Variants in UTP15 observed in about 807,000 individuals in gnomAD.
The protein encoded by UTP15 is U3 small nucleolar RNA-associated protein 15 homolog.
In UTP15, 5 loss-of-function variants were observed where a neutral mutation model predicts 59.1. That is an observed-to-expected ratio of 0.08 (90% CI 0.04 to 0.18). The LOEUF (loss-of-function observed/expected upper bound fraction) is 0.18. Ranked by LOEUF, UTP15 falls within the 10% of genes least tolerant of loss-of-function variation. The pLI, the probability that UTP15 is intolerant of heterozygous loss-of-function variation, is 1.00. For missense variants in UTP15, 494 were observed against 616.7 expected (o/e 0.80, Z 2.11); for synonymous variants, 211 against 212.2 (o/e 0.99, Z 0.05).
intron 11 of UTP15, 27 bp from the exon 12 acceptor site, chr5:73,579,290 T>G: frequency 6.2e-7 from 1 of 1,602,616 alleles, no homozygotes; most frequent in East Asian, 2.2e-5. Context: ...TTTACAAGTT[T>G]CACTAAACTG....
At chr5:73,574,638 C>T (rs1020445142) in intron 7 of UTP15, among the ~76,000 whole-genome samples, 1 of 152,054 alleles carries the variant, frequency 6.6e-6, no homozygotes, top group Non-Finnish European at 1.5e-5. Context: ...CCGGCACGCG[C>T]CACTGTACCT....
At chr5:73,565,965 C>A in intron 1 of UTP15, 53 bp downstream of exon 1, 1 of 445,516 alleles carries the variant, frequency 2.2e-6, no homozygotes, top group East Asian at 7.0e-5. Context: ...CCCGGCCTTC[C>A]TGTGTTAATC....
intron 7 of UTP15, among the ~76,000 whole-genome samples, chr5:73,574,073 A>G (rs74387814): frequency 0.012 from 1,899 of 152,222 alleles, 38 homozygotes; most frequent in African/African-American, 0.042. Context: ...CTGTAATCCC[A>G]GTGCTTTGGG....
Position 73,577,945 on chromosome 5 carries a change from CAGA to C in UTP15, c.993_995del (p.Arg332del), listed in dbSNP as rs767536766. On this transcript the variant is annotated inframe_deletion, in exon 9 of 13. Transcript: ENST00000296792. ...CTGAAGCAAAGAAGGAATCACTTCCCAGAAGAAGAAGGCCTGCATATCGAACCT... is the reference window on the plus strand; with the variant it reads ...CTGAAGCAAAGAAGGAATCACTTCCCAGAAGAAGGCCTGCATATCGAACCT... 5 of 1,587,866 alleles carry C rather than the reference CAGA, an allele frequency of 3.1e-6. No individual in the cohort carries two copies. The highest frequency in any genetic ancestry group is 2.8e-5 in the African/African-American group (2 of 72,714).
chr5:73,572,752 T>G, intron 7 of UTP15, 128 bp downstream of exon 7: 2 of 954,680 alleles, frequency 2.1e-6, no homozygotes, highest in Non-Finnish European at 3.0e-6. Context: ...AAAAACCTGT[T>G]GAGTTGAAAA....
chr5:73,579,827 A>T (rs565077515), intron 12 of UTP15, 50 bp from the exon 13 acceptor site: 3 of 1,318,962 alleles, frequency 2.3e-6, no homozygotes, highest in Admixed American at 2.5e-5. Flanking sequence ...TTTTCACTTA[A>T]TGTATGGAAA....
intron 7 of UTP15, 90 bp from the exon 8 acceptor site, chr5:73,576,862 A>T: frequency 2.4e-6 from 2 of 841,646 alleles, no homozygotes; most frequent in Non-Finnish European, 3.8e-6. Context: ...TACAGATTTT[A>T]ATGTTTGTAT....
intron 5 of UTP15, among the ~76,000 whole-genome samples, chr5:73,570,063 C>T (rs1244070419): frequency 6.6e-6 from 1 of 152,154 alleles, no homozygotes; most frequent in Non-Finnish European, 1.5e-5. Flanking sequence ...AACTCCTGGG[C>T]TCAAGTGATC....
At position 73,565,827 on chromosome 5, in the gene UTP15, A is replaced by G. The variant is rs1471630777; in HGVS notation, c.-169A>G. On this transcript the variant is annotated 5_prime_UTR_variant, in exon 1 of 13. Coordinates refer to ENST00000296792, the MANE Select transcript of UTP15 (RefSeq NM_032175.4). ...TGTGATTTTTACGCCAGTGCTGCTG[A>G]ACTGTGCAGGGTAGGGAGCTGGCAC... is the stretch of plus-strand genomic sequence containing the variant. 6.6e-6 allele frequency: 3 copies of G among 456,088 alleles called. No homozygotes were observed. Among genetic ancestry groups the G allele is most frequent in the African/African-American group, 2.0e-5 (1 of 50,054 alleles). The allele number at this position is 456,088 out of a possible 1,614,324, so 28.3% of individuals were successfully genotyped here. A position where few individuals can be genotyped will look rare whatever the true frequency, so the allele number is the denominator to read the frequency against.
chr5:73,579,936 C>A lies in UTP15; in HGVS notation c.1399C>A (p.Gln467Lys), dbSNP rs775374424. 3.1e-6 allele frequency: 5 copies of A among 1,613,532 alleles called. No individual in the cohort carries two copies. Among genetic ancestry groups the A allele is most frequent in the Admixed American group, 1.7e-5 (1 of 59,966 alleles). The change falls in exon 13 of 13, where the codon CAA becomes AAA. Residue 467 changes from glutamine (Q) to lysine (K), a missense_variant. Transcript: ENST00000296792. ...AGTTGATAAAAAGTTTTTACTACTT[C>A]AAGGACTTGTAGAAAAAGAGATTGA... Reference protein sequence around the residue: ...PVVDKKFLLLQGLVEKEIDYQ... With the variant: ...PVVDKKFLLLKGLVEKEIDYQ...
chr5:73,565,967 G>C, intron 1 of UTP15, 55 bp downstream of exon 1: 1 of 445,764 alleles, frequency 2.2e-6, no homozygotes, highest in South Asian at 1.6e-5. Flanking sequence ...CGGCCTTCCT[G>C]TGTTAATCTG....
chr5:73,570,379 A>C (rs992684455), intron 5 of UTP15, among the ~76,000 whole-genome samples: 6 of 152,234 alleles, frequency 3.9e-5, no homozygotes, highest in African/African-American at 1.2e-4. Context: ...GATCAGAGCA[A>C]GTTAGATTCT....
At chr5:73,573,684 C>G (rs1304754050) in intron 7 of UTP15, among the ~76,000 whole-genome samples, 1 of 149,656 alleles carries the variant, frequency 6.7e-6, no homozygotes, top group Non-Finnish European at 1.5e-5. Context: ...TCAAGCGATT[C>G]TGCCTCAGCT....
In UTP15 at chr5:73,577,769, C is replaced by T. The variant is rs562161081; in HGVS notation, c.895-87C>T. The T allele has an allele frequency of 8.1e-4, 929 of 1,149,494 alleles. 5 individuals carry two copies. The highest frequency in any genetic ancestry group is 1.5e-4 in the Non-Finnish European group (120 of 818,202). The allele number at this position is 1,149,494 out of a possible 1,614,324, so 71.2% of individuals were successfully genotyped here. Reference sequence around the variant, plus strand: ...TGTTGGTGAATGTATGGACAAGCAGCAAACACATGGTAAATGTGTTTTGAA... The same window carrying T: ...TGTTGGTGAATGTATGGACAAGCAGTAAACACATGGTAAATGTGTTTTGAA... On this transcript the variant is annotated intron_variant, in intron 8 of 12. Coordinates refer to ENST00000296792, the MANE Select transcript of UTP15 (RefSeq NM_032175.4).
At chr5:73,566,489 A>C (rs3822452) in intron 1 of UTP15, among the ~76,000 whole-genome samples, 59,334 of 152,144 alleles carry the variant, frequency 0.39, 12,676 homozygotes, top group East Asian at 0.66. Context: ...TGGTCATTGT[A>C]TTTCATTAAA....
chr5:73,577,158 G>T, intron 8 of UTP15, 122 bp downstream of exon 8: 7 of 744,664 alleles, frequency 9.4e-6, no homozygotes, highest in Non-Finnish European at 1.6e-5. Flanking sequence ...AGATATTTGA[G>T]TTAAGACAAT....
intron 2 of UTP15, 187 bp downstream of exon 2, chr5:73,567,621 A>G (rs1747816350): frequency 4.7e-6 from 2 of 426,646 alleles, no homozygotes; most frequent in South Asian, 5.0e-5. Context: ...CATACTGCTT[A>G]ATCAGATTAA....
At position 73,581,913 on chromosome 5, in the gene UTP15, G is replaced by A. The variant is rs1199127280; in HGVS notation, c.*1819G>A. The A allele has an allele frequency of 1.3e-5, 2 of 152,076 alleles. No individual in the cohort carries two copies. The highest frequency in any genetic ancestry group is 4.1e-4 in the South Asian group (2 of 4,822). 9.4% of individuals were successfully genotyped at this position (152,076 alleles called of 1,614,324 possible). A position where few individuals can be genotyped will look rare whatever the true frequency, so the allele number is the denominator to read the frequency against. On this transcript the variant is annotated 3_prime_UTR_variant, in exon 13 of 13. Coordinates refer to ENST00000296792, the MANE Select transcript of UTP15 (RefSeq NM_032175.4). The stretch of plus-strand genomic sequence containing the variant: ...GAACTTAGTCAAGATCAGAAGCTGG[G>A]TTTTGGGGTTGAGAAGAGTTCATTT...
rs1314293260 is a variant in UTP15, at chr5:73,565,796, G to GGTCC, written c.-199_-196dup. 1.3e-5 allele frequency: 6 copies of GGTCC among 456,264 alleles called. No homozygotes were observed. The highest frequency in any genetic ancestry group is 9.3e-5 in the South Asian group (6 of 64,564). The allele number at this position is 456,264 out of a possible 1,614,324, so 28.3% of individuals were successfully genotyped here. On this transcript the variant is annotated 5_prime_UTR_variant, in exon 1 of 13. Transcript: ENST00000296792. ...CTGTGTGTGTCGCCGGCTCCTTGAGGGTCCATGTGATTTTTACGCCAGTGC... is the reference window on the plus strand; with the variant it reads ...CTGTGTGTGTCGCCGGCTCCTTGAGGGTCCGTCCATGTGATTTTTACGCCAGTGC...
Sources: gnomAD v4.1 joint callset for allele counts (sites outside exome capture counted in the v4.1 genomes callset) on GRCh38, gnomAD v4.1.1 for gene constraint, MANE v1.5 for transcripts, NCBI Gene and HGNC (gene_info 2026-07-23, HGNC 2026-07-21) for gene names.